The following DPRX variants were observed in gnomAD, a reference collection of about 807,000 sequenced individuals.
DPRX encodes divergent paired-related homeobox.
Under a neutral mutation model 8.4 loss-of-function variants are expected in DPRX, and 11 were observed. The ratio of observed to expected loss-of-function variants is 1.31; its 90% CI spans 0.82 to 2.17. The LOEUF (loss-of-function observed/expected upper bound fraction) is 2.17. Among genes scored for constraint, DPRX ranks in the 30% most tolerant of loss-of-function variants. The pLI, the probability that DPRX is intolerant of heterozygous loss-of-function variation, is 0.00. For missense variants in DPRX, 211 were observed against 236.7 expected, an observed-to-expected ratio of 0.89 and a Z score of 0.71; for synonymous variants, 72 against 87.0, an observed-to-expected ratio of 0.83 and a Z score of 0.96.
exon 2 of DPRX, chr19:53,634,567 T>C (rs773377106): frequency 1.9e-6 from 3 of 1,613,808 alleles, no homozygotes; most frequent in East Asian, 2.2e-5. Flanking sequence ...AAACGAACCA[T>C]GTTCACTAAG....
At chr19:53,636,199 G>A (rs1234549351) in intron 2 of DPRX, among the ~76,000 whole-genome samples, 1 of 151,680 alleles carries the variant, frequency 6.6e-6, no homozygotes, top group African/African-American at 2.4e-5. Flanking sequence ...AACCCTGTCT[G>A]TACTAAAAAT....
At chr19:53,633,370 T>C (rs1379413853) in intron 1 of DPRX, among the ~76,000 whole-genome samples, 1 of 152,240 alleles carries the variant, frequency 6.6e-6, no homozygotes, top group African/African-American at 2.4e-5. Context: ...AAGAATATAC[T>C]TAATGAACAT....
the DPRX span, among the ~76,000 whole-genome samples, chr19:53,615,968 CG>C: frequency 6.6e-6 from 1 of 151,946 alleles, no homozygotes; most frequent in East Asian, 1.9e-4. Flanking sequence ...TTAAAAAAGG[CG>C]GGGCTGGGTG....
At chr19:53,628,751 G>A (rs576485363), upstream of DPRX, among the ~76,000 whole-genome samples, 105 of 151,782 alleles carry the variant, frequency 6.9e-4, no homozygotes, top group African/African-American at 2.3e-3. Context: ...CACCGCACCC[G>A]GCTAATTTTG....
At chr19:53,619,615 C>T in the DPRX span, among the ~76,000 whole-genome samples, 3 of 150,126 alleles carry the variant, frequency 2.0e-5, no homozygotes, top group East Asian at 3.9e-4. Flanking sequence ...GCGGAGGTTG[C>T]GATGAGCCGA....
the DPRX span, chr19:53,602,152 A>G: frequency 2.2e-5 from 10 of 456,358 alleles, no homozygotes; most frequent in Non-Finnish European, 4.4e-5. Context: ...CATAGCATGG[A>G]CAGCAGGACA....
At chr19:53,604,385 C>CT in the DPRX span, 1 of 152,710 alleles carries the variant, frequency 6.5e-6, no homozygotes, top group Non-Finnish European at 1.5e-5. Context: ...CCTCACGTGT[C>CT]TAGGACCCCA....
At chr19:53,634,593 C>A in exon 2 of DPRX, 1 of 1,614,036 alleles carries the variant, frequency 6.2e-7, no homozygotes, top group Non-Finnish European at 8.5e-7. Context: ...ACTGGAAGAT[C>A]TGAACATCTT....
the DPRX span, among the ~76,000 whole-genome samples, chr19:53,614,501 C>T: frequency 3.2e-3 from 493 of 152,078 alleles, 13 homozygotes; most frequent in Admixed American, 0.03. Context: ...GAGTTCAAGA[C>T]CAACCTGGGC....
At chr19:53,609,341 G>A in the DPRX span, among the ~76,000 whole-genome samples, 2 of 150,862 alleles carry the variant, frequency 1.3e-5, no homozygotes, top group South Asian at 2.1e-4. Flanking sequence ...GGTGGCAGGC[G>A]CCTATAATCG....
rs2122164685 is a variant in DPRX at position 53,634,521 on chromosome 19, C to T, written c.29-10C>T. 6.3e-7 allele frequency: 1 copy of T among 1,599,330 alleles called. No homozygotes were observed. Among genetic ancestry groups the T allele is most frequent in the South Asian group, 1.1e-5 (1 of 88,420 alleles). ...ATTTCCCATTTGTGTCTTTTTCCTCCTCTTTCAAGGCAAGGACCAGATGCA... is the reference window on the plus strand; with the variant it reads ...ATTTCCCATTTGTGTCTTTTTCCTCTTCTTTCAAGGCAAGGACCAGATGCA... On this transcript the variant is annotated splice_polypyrimidine_tract_variant and intron_variant, in intron 1 of 2. Transcript: ENST00000376650.
At chr19:53,602,688 C>T in the DPRX span, among the ~76,000 whole-genome samples, 3 of 151,948 alleles carry the variant, frequency 2.0e-5, no homozygotes, top group East Asian at 1.9e-4. Flanking sequence ...GCGTCTGCCA[C>T]CGTGCTCGGC....
chr19:53,601,119 C>T, the DPRX span: 44 of 379,920 alleles, frequency 1.2e-4, no homozygotes, highest in East Asian at 3.6e-4. Context: ...TGGTCTCAAG[C>T]GATGCTCCTG....
chr19:53,623,318 T>TAA, the DPRX span, among the ~76,000 whole-genome samples: 3 of 130,602 alleles, frequency 2.3e-5, no homozygotes, highest in African/African-American at 9.3e-5. Flanking sequence ...AAAAAATAAA[T>TAA]AAATAAATAA....
At chr19:53,626,856 G>A in the DPRX span, among the ~76,000 whole-genome samples, 2 of 151,902 alleles carry the variant, frequency 1.3e-5, no homozygotes, top group Admixed American at 6.6e-5. Context: ...CTGCCATCAC[G>A]CCTGGCTAAT....
the DPRX span, among the ~76,000 whole-genome samples, chr19:53,624,710 T>C: frequency 6.6e-6 from 1 of 151,220 alleles, no homozygotes; most frequent in South Asian, 2.1e-4. Context: ...AGAAAATGGC[T>C]GGGCCTGGTG....
rs201439014 is a variant in DPRX, at chr19:53,634,489, T to C, written c.29-42T>C. The C allele has an allele frequency of 1.3e-4, 213 of 1,586,160 alleles. 1 individual carries two copies. The African/African-American group carries it at 2.7e-3, about 20-fold the overall frequency. On this transcript the variant is annotated intron_variant, in intron 1 of 2. Transcript: ENST00000376650. ...AAGCTCAGGCTTTTGAGAATGGAGT[T>C]GTTAGCATTTCCCATTTGTGTCTTT... is the stretch of plus-strand genomic sequence containing the variant.
the DPRX span, chr19:53,603,579 C>T: frequency 2.3e-5 from 8 of 353,286 alleles, no homozygotes; most frequent in African/African-American, 1.7e-4. Context: ...CAAGATTAAC[C>T]CAGGTCCCTG....
upstream of DPRX, among the ~76,000 whole-genome samples, chr19:53,628,219 A>G (rs2122152171): frequency 6.6e-6 from 1 of 152,122 alleles, no homozygotes; most frequent in Admixed American, 6.6e-5. Flanking sequence ...TGGGAGGATT[A>G]CTTGATCCTG....
Sources: allele counts gnomAD v4.1 joint callset (sites outside exome capture counted in the v4.1 genomes callset), GRCh38; gene constraint gnomAD v4.1.1; transcripts MANE v1.5; gene names NCBI Gene and HGNC (gene_info 2026-07-23, HGNC 2026-07-21).